CSMD1: variants seen among roughly 807,000 people sequenced by gnomAD.
CSMD1 encodes CUB and sushi domain-containing protein 1.
CSMD1 carries 213 observed loss-of-function variants against 417.5 expected under a neutral mutation model. The ratio of observed to expected loss-of-function variants is 0.51; its 90% CI spans 0.46 to 0.57. The LOEUF is 0.57. Ranked by LOEUF, CSMD1 falls within the 20% of genes least tolerant of loss-of-function variation. CSMD1 has a pLI of 0.00. For synonymous variants in CSMD1, 2,862 were observed against 1,736.8 expected (o/e 1.65, Z -16.11); for missense variants, 6,923 against 4,529.7 (o/e 1.53, Z -15.17).
At chr8:3,120,829 C>G (rs1241444435) in intron 41 of CSMD1, among the ~76,000 whole-genome samples, 1 of 151,958 alleles carries the variant, frequency 6.6e-6, no homozygotes, top group East Asian at 1.9e-4. Context: ...CCTGGCGACA[C>G]AGTGAGACTC....
At chr8:3,637,385 T>C (rs578003288) in intron 7 of CSMD1, among the ~76,000 whole-genome samples, 2 of 152,324 alleles carry the variant, frequency 1.3e-5, no homozygotes, top group East Asian at 1.9e-4. Context: ...TGAATTCAAA[T>C]GTCTAACCAC....
chr8:4,104,002 C>T (rs535298761), intron 3 of CSMD1, among the ~76,000 whole-genome samples: 1 of 152,190 alleles, frequency 6.6e-6, no homozygotes, highest in African/African-American at 2.4e-5. Flanking sequence ...GCCCCAGCTG[C>T]ACACCTGCAC....
chr8:3,197,191 T>C (rs1486655117), intron 33 of CSMD1, among the ~76,000 whole-genome samples: 1 of 152,030 alleles, frequency 6.6e-6, no homozygotes, highest in Non-Finnish European at 1.5e-5. Context: ...ACATGGAGGG[T>C]GGGAAGCAGA....
intron 3 of CSMD1, among the ~76,000 whole-genome samples, chr8:4,255,691 T>C (rs1435947590): frequency 2.0e-5 from 3 of 152,224 alleles, no homozygotes; most frequent in Non-Finnish European, 4.4e-5. Flanking sequence ...GTTAAGGTAG[T>C]TGAATTATCT....
At chr8:3,689,940 A>C (rs1238169313) in intron 7 of CSMD1, among the ~76,000 whole-genome samples, 1 of 152,248 alleles carries the variant, frequency 6.6e-6, no homozygotes, top group Non-Finnish European at 1.5e-5. Flanking sequence ...TCAATTAAGT[A>C]GTAAAAGTGC....
At chr8:4,270,599 T>C (rs989735924) in intron 3 of CSMD1, among the ~76,000 whole-genome samples, 3 of 152,156 alleles carry the variant, frequency 2.0e-5, no homozygotes, top group Non-Finnish European at 2.9e-5. Flanking sequence ...CGACTTCCTG[T>C]TCAACCTGAT....
Position 3,230,216 on chromosome 8 carries a change from G to A in CSMD1, c.4169C>T (p.Thr1390Ile), listed in dbSNP as rs772477781. 10 of 1,591,902 alleles carry A rather than the reference G, an allele frequency of 6.3e-6. No individual in the cohort carries two copies. Among genetic ancestry groups the A allele is most frequent in the African/African-American group, 1.3e-5 (1 of 74,122 alleles). The change falls in exon 27 of 70, where the codon ACC becomes ATC. Residue 1390 changes from threonine (T) to isoleucine (I), a missense_variant. Coordinates refer to ENST00000635120, the MANE Select transcript of CSMD1 (RefSeq NM_033225.6). The part of the protein sequence containing the change: ...SIQFSTSIAA[T>I]CNDPGMPQNG... ...TTGGGGCATACCTGGATCGTTACAGGTGGCTGCAATTGAGGCTGCAAACAA... is the reference window on the plus strand; with the variant it reads ...TTGGGGCATACCTGGATCGTTACAGATGGCTGCAATTGAGGCTGCAAACAA...
intron 12 of CSMD1, among the ~76,000 whole-genome samples, chr8:3,451,952 G>A (rs1415988417): frequency 6.6e-6 from 1 of 152,000 alleles, no homozygotes; most frequent in Admixed American, 6.6e-5. Flanking sequence ...CCATGAACAT[G>A]GAATGTTCTT....
intron 6 of CSMD1, among the ~76,000 whole-genome samples, chr8:3,737,994 AGT>A (rs1306810121): frequency 2.6e-5 from 4 of 152,226 alleles, no homozygotes; most frequent in Non-Finnish European, 4.4e-5. Flanking sequence ...AGAAGAATGC[AGT>A]GACAAACTAA....
At chr8:4,250,782 A>T (rs1198920967) in intron 3 of CSMD1, among the ~76,000 whole-genome samples, 1 of 152,172 alleles carries the variant, frequency 6.6e-6, no homozygotes, top group African/African-American at 2.4e-5. Flanking sequence ...GTAACTCAAA[A>T]ATTACTTTTC....
At chr8:4,549,520 A>T (rs993627453) in intron 2 of CSMD1, among the ~76,000 whole-genome samples, 1 of 152,002 alleles carries the variant, frequency 6.6e-6, no homozygotes, top group Non-Finnish European at 1.5e-5. Context: ...TAATTTTGCA[A>T]TTCCTCCCTA....
intron 3 of CSMD1, among the ~76,000 whole-genome samples, chr8:4,307,541 G>C (rs970859053): frequency 3.9e-5 from 6 of 152,252 alleles, no homozygotes; most frequent in African/African-American, 1.2e-4. Flanking sequence ...TCAAGTAATA[G>C]CATATTTTAA....
intron 3 of CSMD1, among the ~76,000 whole-genome samples, chr8:4,155,904 G>A (rs1047869341): frequency 1.3e-5 from 2 of 152,124 alleles, no homozygotes; most frequent in African/African-American, 4.8e-5. Context: ...AGTAAGTGCG[G>A]GAATGAGCTT....
At chr8:4,255,028 G>A (rs560982685) in intron 3 of CSMD1, among the ~76,000 whole-genome samples, 125 of 152,176 alleles carry the variant, frequency 8.2e-4, no homozygotes, top group South Asian at 6.2e-4. Context: ...CAATCCCCTC[G>A]TACCATAGAG....
chr8:4,155,979 G>C (rs748761109), intron 3 of CSMD1, among the ~76,000 whole-genome samples: 3 of 152,128 alleles, frequency 2.0e-5, no homozygotes, highest in Non-Finnish European at 4.4e-5. Flanking sequence ...ACCAAAGTCT[G>C]CTGATAAACA....
chr8:3,240,168 G>T (rs530199316), intron 26 of CSMD1, among the ~76,000 whole-genome samples: 1 of 152,064 alleles, frequency 6.6e-6, no homozygotes, highest in Non-Finnish European at 1.5e-5. Flanking sequence ...GTGCGGTCCC[G>T]GTTCTTGTGT....
At chr8:4,046,845 T>C (rs1260161621) in intron 3 of CSMD1, among the ~76,000 whole-genome samples, 1 of 152,156 alleles carries the variant, frequency 6.6e-6, no homozygotes, top group Non-Finnish European at 1.5e-5. Context: ...CATGTATTAT[T>C]TCCCTGAATT....
At chr8:4,210,492 A>T (rs1411090937) in intron 3 of CSMD1, among the ~76,000 whole-genome samples, 1 of 152,210 alleles carries the variant, frequency 6.6e-6, no homozygotes, top group Non-Finnish European at 1.5e-5. Flanking sequence ...ATAATTCAGG[A>T]AAATTTTCTT....
intron 30 of CSMD1, among the ~76,000 whole-genome samples, chr8:3,214,079 C>G (rs565755091): frequency 6.6e-6 from 1 of 152,006 alleles, no homozygotes; most frequent in South Asian, 2.1e-4. Context: ...CTCCTAACCT[C>G]GCGATCCACT....
Sources: allele counts gnomAD v4.1 joint callset (sites outside exome capture counted in the v4.1 genomes callset), GRCh38; gene constraint gnomAD v4.1.1; transcripts MANE v1.5; gene names NCBI Gene and HGNC (gene_info 2026-07-23, HGNC 2026-07-21).